PRMT8: variants seen among roughly 807,000 people sequenced by gnomAD.
PRMT8 encodes protein arginine N-methyltransferase 8.
In PRMT8, 7 loss-of-function variants were observed where a neutral mutation model predicts 47.1. The observed-to-expected ratio is 0.15, with a 90% CI of 0.08 to 0.28. PRMT8 has a LOEUF of 0.28. Among genes scored for constraint, PRMT8 ranks in the 10% least tolerant of loss-of-function variants. PRMT8 has a pLI of 1.00. For synonymous variants in PRMT8, 188 were observed against 186.5 expected (o/e 1.01, Z -0.07); for missense variants, 237 against 505.4 (o/e 0.47, Z 5.09).
intron 1 of PRMT8, among the ~76,000 whole-genome samples, chr12:3,506,832 C>G (rs1227787685): frequency 6.6e-6 from 1 of 152,052 alleles, no homozygotes; most frequent in Non-Finnish European, 1.5e-5. Context: ...TGGTGACTTT[C>G]CCCTGTGCTC....
chr12:3,505,191 C>A (rs529294509), intron 1 of PRMT8, among the ~76,000 whole-genome samples: 3 of 151,988 alleles, frequency 2.0e-5, no homozygotes, highest in Non-Finnish European at 4.4e-5. Context: ...AGCTGTAGAC[C>A]GGAGCTGTTC....
intron 1 of PRMT8, among the ~76,000 whole-genome samples, chr12:3,475,731 C>A (rs578057841): frequency 3.6e-4 from 53 of 147,162 alleles, no homozygotes; most frequent in African/African-American, 1.3e-3. Context: ...GCCTCCCTTC[C>A]AGTACCGTGG....
At chr12:3,474,680 A>C (rs1417755641) in intron 1 of PRMT8, among the ~76,000 whole-genome samples, 1 of 152,186 alleles carries the variant, frequency 6.6e-6, no homozygotes, top group East Asian at 1.9e-4. Context: ...TCTCCTAAGC[A>C]GCAAGATGAG....
chr12:3,498,974 C>A (rs79703750), intron 1 of PRMT8, among the ~76,000 whole-genome samples: 14 of 152,142 alleles, frequency 9.2e-5, no homozygotes, highest in Admixed American at 8.5e-4. Flanking sequence ...TGGTGGCCAA[C>A]GATGCTCAGC....
Position 3,456,539 on chromosome 12 carries a change from C to T in PRMT8, c.48+75097C>T, listed in dbSNP as rs531136446. ...ATCACGAGCGATCTGTTGTGCAGCC[C>T]GATCATCCCCCAATTCACCAACAGC... On this transcript the variant is annotated intron_variant, in intron 1 of 9. Coordinates refer to the PRMT8 transcript ENST00000452611. This position sits in a 1 kb window ranked among gnomAD's most constrained non-coding sequence, Gnocchi z 4.2. Among the ~76,000 whole-genome samples the T allele has an allele frequency of 6.6e-6, 1 of 152,266 alleles. No individual in the cohort carries two copies. Among genetic ancestry groups the T allele is most frequent in the Admixed American group, 6.5e-5 (1 of 15,298 alleles).
intron 1 of PRMT8, among the ~76,000 whole-genome samples, chr12:3,471,086 G>T (rs1865157497): frequency 6.6e-6 from 1 of 152,148 alleles, no homozygotes; most frequent in African/African-American, 2.4e-5. Context: ...AGAAGGAGCG[G>T]TGGTTTCTTC....
rs1555085718 is a variant in PRMT8, at chr12:3,496,214, ATT to A, written c.75+4539_75+4540del. 9.9e-3 allele frequency among the ~76,000 whole-genome samples: 274 copies of A among 27,724 alleles called. 6 individuals are homozygous for A. The highest frequency in any genetic ancestry group is 0.022 in the African/African-American group (248 of 11,306). 18.2% of individuals were successfully genotyped at this position (27,724 alleles called of 152,430 possible). On this transcript the variant is annotated intron_variant, in intron 1 of 9. Transcript: ENST00000382622. ...TTTGGAAACTGATATATATATATAT[ATT>A]TTTTTTTTTTTTTTTTTTTTTTTTG...
chr12:3,562,084 C>A (rs1266160744), intron 4 of PRMT8, among the ~76,000 whole-genome samples: 1 of 152,164 alleles, frequency 6.6e-6, no homozygotes, highest in Non-Finnish European at 1.5e-5. Context: ...TTAAGTATCT[C>A]CAGCACACCA....
chr12:3,499,193 C>CT (rs57788869), intron 1 of PRMT8, among the ~76,000 whole-genome samples: 2,491 of 122,140 alleles, frequency 0.02, 34 homozygotes, highest in Non-Finnish European at 0.031. Flanking sequence ...TTTTTCCTTT[C>CT]TTTTTTTTTT....
chr12:3,573,264 A>C (rs920896431), intron 6 of PRMT8, among the ~76,000 whole-genome samples: 6 of 152,030 alleles, frequency 3.9e-5, no homozygotes, highest in Non-Finnish European at 7.4e-5. Context: ...TCATTCTGTT[A>C]ATAAGTTCAT....
chr12:3,491,764 C>T (rs1591568167), intron 1 of PRMT8, 64 bp downstream of exon 1: 15 of 1,550,956 alleles, frequency 9.7e-6, no homozygotes, highest in South Asian at 3.5e-5. Context: ...ACCGCGCCGC[C>T]GCCGCCGCTC....
chr12:3,389,155 T>TG (rs1864168898), intron 1 of PRMT8, among the ~76,000 whole-genome samples: 1 of 152,118 alleles, frequency 6.6e-6, no homozygotes, highest in East Asian at 1.9e-4. Context: ...AAGGGGAACT[T>TG]GGGGGTACCG....
intron 1 of PRMT8, among the ~76,000 whole-genome samples, chr12:3,468,079 G>T (rs1865121288): frequency 6.6e-6 from 1 of 152,224 alleles, no homozygotes; most frequent in Admixed American, 6.5e-5. Context: ...TTATTAACGT[G>T]TTGCACAAAG....
chr12:3,408,833 G>A (rs1864398971), intron 1 of PRMT8, among the ~76,000 whole-genome samples: 1 of 152,216 alleles, frequency 6.6e-6, no homozygotes. Context: ...TTCTTCAGCT[G>A]TAATCAATGT....
intron 7 of PRMT8, 91 bp downstream of exon 7, chr12:3,577,077 C>G: frequency 9.1e-7 from 1 of 1,098,372 alleles, no homozygotes; most frequent in South Asian, 1.4e-5. Context: ...CTGCACAGCC[C>G]CCACCTGGTG....
At chr12:3,512,184 C>T (rs887895535) in intron 1 of PRMT8, among the ~76,000 whole-genome samples, 1 of 152,170 alleles carries the variant, frequency 6.6e-6, no homozygotes, top group South Asian at 2.1e-4. Context: ...TTGCTTGTTG[C>T]GTTTGACTTG....
chr12:3,590,391 C>T (rs766585465), intron 8 of PRMT8, among the ~76,000 whole-genome samples: 32 of 152,170 alleles, frequency 2.1e-4, no homozygotes, highest in Non-Finnish European at 3.8e-4. Context: ...CATGATCAAG[C>T]CCCAGTTGGC....
chr12:3,467,603 G>A (rs1467645736), intron 1 of PRMT8, among the ~76,000 whole-genome samples: 6 of 152,346 alleles, frequency 3.9e-5, no homozygotes, highest in African/African-American at 1.4e-4. Context: ...CCTGAGTGCT[G>A]TGGCCTCCAA....
intron 1 of PRMT8, among the ~76,000 whole-genome samples, chr12:3,401,042 G>A (rs1328179222): frequency 6.6e-6 from 1 of 150,654 alleles, no homozygotes; most frequent in East Asian, 2.0e-4. Flanking sequence ...AGCTACTTGG[G>A]ATGCTGAGGC....
Sources: allele counts gnomAD v4.1 joint callset (sites outside exome capture counted in the v4.1 genomes callset), GRCh38; gene constraint gnomAD v4.1.1; non-coding constraint Gnocchi (gnomAD v3.1); transcripts MANE v1.5; gene names NCBI Gene and HGNC (gene_info 2026-07-23, HGNC 2026-07-21).